Variants in DDAH2 observed in about 807,000 individuals in gnomAD.
The protein encoded by DDAH2 is putative hydrolase DDAH2.
Under a neutral mutation model 24.8 loss-of-function variants are expected in DDAH2, and 8 were observed. That is an observed-to-expected ratio of 0.32 (90% CI 0.19 to 0.58). The LOEUF (loss-of-function observed/expected upper bound fraction) is 0.58, where lower values mean the gene tolerates loss of function less well. Ranked by LOEUF, DDAH2 falls within the 20% of genes least tolerant of loss-of-function variation. DDAH2 has a pLI of 0.87. For synonymous variants in DDAH2, 151 were observed against 166.1 expected (o/e 0.91, Z 0.70); for missense variants, 281 against 379.0 (o/e 0.74, Z 2.15).
chr6:31,729,325 T>G, upstream of DDAH2: 2 of 627,900 alleles, frequency 3.2e-6, no homozygotes, highest in Non-Finnish European at 2.8e-6. The surrounding 1 kb of genome is among the most constrained non-coding windows in gnomAD (Gnocchi z 6.7). Context: ...CTGCCATCTC[T>G]AGGCGTCCCT....
rs1394257673 is a variant in DDAH2 at position 31,728,482 on chromosome 6, C to G, written c.440G>C (p.Arg147Pro). 6.2e-7 allele frequency: 1 copy of G among 1,612,786 alleles called. No individual in the cohort carries two copies. The highest frequency in any genetic ancestry group is 8.5e-7 in the Non-Finnish European group (1 of 1,179,946). The change falls in exon 3 of 6, where the codon CGA becomes CCA. Residue 147 changes from arginine (R) to proline (P), a missense_variant. Physicochemically the swap from Arg to Pro is moderately radical, Grantham distance 103. Coordinates refer to ENST00000375789, the MANE Select transcript of DDAH2 (RefSeq NM_001303007.2). The surrounding 1 kb of genome is among the most constrained non-coding windows in gnomAD (Gnocchi z 9.8). ...FVGLSKWTNH[R>P]GAEIVADTFR... is the part of the protein sequence containing the mutation. ...CGTGTCCGCCACGATCTCAGCTCCT[C>G]GGTGATTGGTCCATTTGGAGAGGCC...
rs759674784 is a variant in DDAH2, at chr6:31,728,995, A to T, written c.167T>A (p.Leu56Gln). Residue 56 changes from leucine (L) to glutamine (Q), a missense_variant, in exon 1 of 6, where the codon CTG (leucine) becomes CAG (glutamine). Physicochemically the swap from Leu to Gln is moderately radical, Grantham distance 113 (BLOSUM62 -2). Coordinates refer to ENST00000375789, the MANE Select transcript of DDAH2 (RefSeq NM_001303007.2). This position sits in a 1 kb window ranked among gnomAD's most constrained non-coding sequence, Gnocchi z 9.8. ...GVLGGKLRQRLGLQLLELPPE... is the reference protein window; with the variant it reads ...GVLGGKLRQRQGLQLLELPPE... ...TGGCAGTTCTAGCAGCTGTAGCCCC[A>T]GTCGTTGCCTCAGTTTACCTCCCAG... is the stretch of plus-strand genomic sequence containing the variant. 6.2e-7 allele frequency: 1 copy of T among 1,613,060 alleles called. No homozygotes were observed. The highest frequency in any genetic ancestry group is 8.5e-7 in the Non-Finnish European group (1 of 1,180,018).
rs1807566610 is a variant in DDAH2 at position 31,728,463 on chromosome 6, C to A, written c.459G>T (p.Ala153=). 6.2e-7 allele frequency: 1 copy of A among 1,612,822 alleles called. No homozygotes were observed. Among genetic ancestry groups the A allele is most frequent in the Non-Finnish European group, 8.5e-7 (1 of 1,179,964 alleles). ...TCCCGCTCCGCACCCGGAACGTGTC[C>A]GCCACGATCTCAGCTCCTCGGTGAT... The part of the protein sequence containing the change: ...WTNHRGAEIV[A]DTFRDFAVST... The change falls in exon 3 of 6, where the codon GCG becomes GCT. Residue 153 remains alanine (A), a synonymous_variant. Coordinates refer to ENST00000375789, the MANE Select transcript of DDAH2 (RefSeq NM_001303007.2). This position sits in a 1 kb window ranked among gnomAD's most constrained non-coding sequence, Gnocchi z 9.8.
rs922056221 is a variant in DDAH2, at chr6:31,728,610, C to T, written c.397+36G>A. Reference sequence around the variant, plus strand: ...CGGCCGAGTCTCCCAAACTCTACTTCCCTGTGCCAAGACCTATGCCTCCCC... The same window carrying T: ...CGGCCGAGTCTCCCAAACTCTACTTTCCTGTGCCAAGACCTATGCCTCCCC... On this transcript the variant is annotated intron_variant, in intron 2 of 5. Coordinates refer to ENST00000375789, the MANE Select transcript of DDAH2 (RefSeq NM_001303007.2). The surrounding 1 kb of genome is among the most constrained non-coding windows in gnomAD (Gnocchi z 9.8). The T allele has an allele frequency of 3.7e-6, 6 of 1,611,908 alleles. No homozygotes were observed. The highest frequency in any genetic ancestry group is 1.3e-5 in the African/African-American group (1 of 74,846).
At position 31,727,638 on chromosome 6, in the gene DDAH2, C is replaced by T. The variant is rs759664191; in HGVS notation, c.646G>A (p.Ala216Thr). ...PYASLTLPDD[A>T]AADCLFLRPG... ...CGAAGAAAGAGACAGTCAGCAGCTGCGTCATCTGGGAGGGTCAGGGAGGCA... is the reference window on the plus strand; with the variant it reads ...CGAAGAAAGAGACAGTCAGCAGCTGTGTCATCTGGGAGGGTCAGGGAGGCA... Residue 216 changes from alanine (A) to threonine (T), a missense_variant, in exon 5 of 6, where the codon GCA (alanine) becomes ACA (threonine). By Grantham distance (58) the Ala-to-Thr change is moderately conservative. Coordinates refer to ENST00000375789, the MANE Select transcript of DDAH2 (RefSeq NM_001303007.2). The surrounding 1 kb of genome is among the most constrained non-coding windows in gnomAD (Gnocchi z 6.0). The T allele has an allele frequency of 9.3e-6, 15 of 1,612,648 alleles. No individual in the cohort carries two copies. The highest frequency in any genetic ancestry group is 1.3e-5 in the African/African-American group (1 of 74,900).
In DDAH2 at chr6:31,727,384, G is replaced by A; in HGVS notation, c.742-31C>T. 6.2e-7 allele frequency: 1 copy of A among 1,600,840 alleles called. No individual in the cohort carries two copies. The highest frequency in any genetic ancestry group is 1.7e-5 in the Admixed American group (1 of 59,754). On this transcript the variant is annotated intron_variant, in intron 5 of 5. Transcript: ENST00000375789. The surrounding 1 kb of genome is among the most constrained non-coding windows in gnomAD (Gnocchi z 6.0). The stretch of plus-strand genomic sequence containing the variant: ...CAGGGAAGACATGGAGTGGGGAGAG[G>A]GGAGTGAGACCTCAGGCTGAGCCAG...
Position 31,727,377 on chromosome 6 carries a change from G to T in DDAH2, c.742-24C>A. 1 of 1,602,828 alleles carries T rather than the reference G, an allele frequency of 6.2e-7. No homozygotes were observed. Among genetic ancestry groups the T allele is most frequent in the South Asian group, 1.1e-5 (1 of 90,522 alleles). On this transcript the variant is annotated intron_variant, in intron 5 of 5. Coordinates refer to ENST00000375789, the MANE Select transcript of DDAH2 (RefSeq NM_001303007.2). This position sits in a 1 kb window ranked among gnomAD's most constrained non-coding sequence, Gnocchi z 6.0. Reference sequence around the variant, plus strand: ...GCCTGCACAGGGAAGACATGGAGTGGGGAGAGGGGAGTGAGACCTCAGGCT... The same window carrying T: ...GCCTGCACAGGGAAGACATGGAGTGTGGAGAGGGGAGTGAGACCTCAGGCT...
At chr6:31,729,322 C>CT, upstream of DDAH2, 1 of 634,524 alleles carries the variant, frequency 1.6e-6, no homozygotes. The surrounding 1 kb of genome is among the most constrained non-coding windows in gnomAD (Gnocchi z 6.7). Flanking sequence ...CTCCTGCCAT[C>CT]TCTAGGCGTC....
At position 31,728,882 on chromosome 6, in the gene DDAH2, G is replaced by A. The variant is rs368529782; in HGVS notation, c.280C>T (p.Pro94Ser). 1.2e-6 allele frequency: 2 copies of A among 1,612,688 alleles called. No individual in the cohort carries two copies. Among genetic ancestry groups the A allele is most frequent in the Non-Finnish European group, 1.7e-6 (2 of 1,179,904 alleles). Reference protein sequence around the residue: ...DTALITRPWSPARRPEVDGVR... With the variant: ...DTALITRPWSSARRPEVDGVR... ...GCGCTCACCTCTGGCCTACGAGCGG[G>A]GCTCCAGGGCCGCGTGATTAGGGCC... Residue 94 changes from proline (P) to serine (S), a missense_variant, in exon 1 of 6, where the codon CCC becomes TCC. Pro to Ser is a moderately conservative substitution (Grantham distance 74). Transcript: ENST00000375789. This position sits in a 1 kb window ranked among gnomAD's most constrained non-coding sequence, Gnocchi z 9.8.
rs1448656138 is a variant in DDAH2, at chr6:31,728,298, G to A, written c.472-6C>T. 2 of 1,608,142 alleles carry A rather than the reference G, an allele frequency of 1.2e-6. No individual in the cohort carries two copies. Among genetic ancestry groups the A allele is most frequent in the Non-Finnish European group, 1.7e-6 (2 of 1,176,818 alleles). ...ACAGTGGAGACGGCGAAGTCCTAGGGAGAGCGAAGGGAGGTATTCAGGGGC... is the reference window on the plus strand; with the variant it reads ...ACAGTGGAGACGGCGAAGTCCTAGGAAGAGCGAAGGGAGGTATTCAGGGGC... On this transcript the variant is annotated splice_polypyrimidine_tract_variant and splice_region_variant and intron_variant, in intron 3 of 5. Transcript: ENST00000375789. This position sits in a 1 kb window ranked among gnomAD's most constrained non-coding sequence, Gnocchi z 9.8.
At position 31,728,176 on chromosome 6, in the gene DDAH2, G is replaced by A; in HGVS notation, c.588C>T (p.Val196=). 1.2e-6 allele frequency: 2 copies of A among 1,611,700 alleles called. No homozygotes were observed. The highest frequency in any genetic ancestry group is 1.7e-6 in the Non-Finnish European group (2 of 1,179,872). Residue 196 remains valine (V), a synonymous_variant, in exon 4 of 6, where the codon GTC becomes GTT. Transcript: ENST00000375789. This position sits in a 1 kb window ranked among gnomAD's most constrained non-coding sequence, Gnocchi z 9.8. Reference sequence around the variant, plus strand: ...GTTGGCCCCGCCCCCTCCTCACCCGGACAGCCTTTTGGGCAGCGTCGCTGC... The same window carrying A: ...GTTGGCCCCGCCCCCTCCTCACCCGAACAGCCTTTTGGGCAGCGTCGCTGC... The part of the protein sequence containing the change: ...AGSSDAAQKA[V]RAMAVLTDHP...
chr6:31,729,251 A>G lies in DDAH2; in HGVS notation c.-90T>C. The G allele has an allele frequency of 1.7e-6, 2 of 1,174,178 alleles. No individual in the cohort carries two copies. Among genetic ancestry groups the G allele is most frequent in the Non-Finnish European group, 2.4e-6 (2 of 830,360 alleles). 72.7% of individuals were successfully genotyped at this position (1,174,178 alleles called of 1,614,324 possible). On this transcript the variant is annotated 5_prime_UTR_variant, in exon 1 of 6. Coordinates refer to ENST00000375789, the MANE Select transcript of DDAH2 (RefSeq NM_001303007.2). The surrounding 1 kb of genome is among the most constrained non-coding windows in gnomAD (Gnocchi z 6.7). The stretch of plus-strand genomic sequence containing the variant: ...CTGGGAGAAGAAACAGAAAAGGAGG[A>G]GACAGAGAAAAAGACATGCAGACAA...
Position 31,728,646 on chromosome 6 carries a change from C to G in DDAH2, c.397G>C (p.Gly133Arg). The G allele has an allele frequency of 1.9e-6, 3 of 1,612,920 alleles. No homozygotes were observed. Among genetic ancestry groups the G allele is most frequent in the Non-Finnish European group, 2.5e-6 (3 of 1,179,948 alleles). Residue 133 changes from glycine (G) to arginine (R), a missense_variant and splice_region_variant, in exon 2 of 6, where the codon GGC becomes CGC. Coordinates refer to ENST00000375789, the MANE Select transcript of DDAH2 (RefSeq NM_001303007.2). The surrounding 1 kb of genome is among the most constrained non-coding windows in gnomAD (Gnocchi z 9.8). ...TLDGTDVLFT[G>R]REFFVGLSKW... ...GACCTATGCCTCCCCCCAGCCTCACCGGTGAAGAGAACGTCAGTGCCATCC... is the reference window on the plus strand; with the variant it reads ...GACCTATGCCTCCCCCCAGCCTCACGGGTGAAGAGAACGTCAGTGCCATCC...
chr6:31,728,356 G>A lies in DDAH2; in HGVS notation c.472-64C>T. On this transcript the variant is annotated intron_variant, in intron 3 of 5. Transcript: ENST00000375789. The surrounding 1 kb of genome is among the most constrained non-coding windows in gnomAD (Gnocchi z 9.8). Reference sequence around the variant, plus strand: ...GGGTGATGGGGTATCTTCAAACATAGGCTGCTCTCTGCCTCTCATTTCCTC... The same window carrying A: ...GGGTGATGGGGTATCTTCAAACATAAGCTGCTCTCTGCCTCTCATTTCCTC... 6.2e-7 allele frequency: 1 copy of A among 1,609,314 alleles called. No individual in the cohort carries two copies. The highest frequency in any genetic ancestry group is 8.5e-7 in the Non-Finnish European group (1 of 1,177,602).
chr6:31,727,300 C>T lies in DDAH2; in HGVS notation c.795G>A (p.Leu265=). The change falls in exon 6 of 6, where the codon CTG becomes CTA. Residue 265 remains leucine (L), a synonymous_variant. Coordinates refer to ENST00000375789, the MANE Select transcript of DDAH2 (RefSeq NM_001303007.2). This position sits in a 1 kb window ranked among gnomAD's most constrained non-coding sequence, Gnocchi z 6.0. ...AGCTGAGCCCGGCGCCAGCCTTCTC[C>T]AGTTCTGAGCAGGACACAGGTACCA... ...VTLVPVSCSE[L]EKAGAGLSSL... is the part of the protein sequence containing the mutation. 1 of 1,613,096 alleles carries T rather than the reference C, an allele frequency of 6.2e-7. No individual in the cohort carries two copies. Among genetic ancestry groups the T allele is most frequent in the South Asian group, 1.1e-5 (1 of 91,080 alleles).
chr6:31,728,334 T>C lies in DDAH2; in HGVS notation c.472-42A>G. The stretch of plus-strand genomic sequence containing the variant: ...GAGGTATTCAGGGGCGCGGGAGGGG[T>C]GATGGGGTATCTTCAAACATAGGCT... On this transcript the variant is annotated intron_variant, in intron 3 of 5. Transcript: ENST00000375789. This position sits in a 1 kb window ranked among gnomAD's most constrained non-coding sequence, Gnocchi z 9.8. 5.6e-6 allele frequency: 9 copies of C among 1,601,508 alleles called. No individual in the cohort carries two copies. The highest frequency in any genetic ancestry group is 1.1e-5 in the South Asian group (1 of 89,728).
Position 31,727,574 on chromosome 6 carries a change from C to T in DDAH2, c.710G>A (p.Arg237His), listed in dbSNP as rs756788367. 9.3e-6 allele frequency: 15 copies of T among 1,612,966 alleles called. No homozygotes were observed. Among genetic ancestry groups the T allele is most frequent in the East Asian group, 2.2e-5 (1 of 44,892 alleles). The part of the protein sequence containing the change: ...LPGVPPFLLH[R>H]GGGDLPNSQE... ...GCTGTTGGGCAGATCCCCACCTCCACGGTGCAGGAGGAAAGGGGGCACACC... is the reference window on the plus strand; with the variant it reads ...GCTGTTGGGCAGATCCCCACCTCCATGGTGCAGGAGGAAAGGGGGCACACC... The change falls in exon 5 of 6, where the codon CGT becomes CAT. Residue 237 changes from arginine (R) to histidine (H), a missense_variant. Arg to His is a conservative substitution (Grantham distance 29). Transcript: ENST00000375789. The surrounding 1 kb of genome is among the most constrained non-coding windows in gnomAD (Gnocchi z 6.0).
In DDAH2 at chr6:31,728,928, C is replaced by T. The variant is rs1412415206; in HGVS notation, c.234G>A (p.Thr78=). Residue 78 remains threonine, a synonymous_variant, in exon 1 of 6, where the codon ACG becomes ACA. Transcript: ENST00000375789. The surrounding 1 kb of genome is among the most constrained non-coding windows in gnomAD (Gnocchi z 9.8). ...SLPLGPLLGD[T]AVIQGDTALI... Reference sequence around the variant, plus strand: ...GGGCCGTGTCCCCTTGGATCACGGCCGTGTCGCCAAGCAGCGGTCCCAGCG... The same window carrying T: ...GGGCCGTGTCCCCTTGGATCACGGCTGTGTCGCCAAGCAGCGGTCCCAGCG... 1.2e-6 allele frequency: 2 copies of T among 1,613,106 alleles called. No individual in the cohort carries two copies. The highest frequency in any genetic ancestry group is 1.7e-6 in the Non-Finnish European group (2 of 1,180,014).
chr6:31,729,217 T>C lies in DDAH2; in HGVS notation c.-56A>G. The C allele has an allele frequency of 7.4e-7, 1 of 1,351,090 alleles. No individual in the cohort carries two copies. The highest frequency in any genetic ancestry group is 1.0e-6 in the Non-Finnish European group (1 of 978,362). The allele number at this position is 1,351,090 out of a possible 1,614,324, so 83.7% of individuals were successfully genotyped here. ...TCGGATTTCTTAGTTTTCTTGTTTCTTCACCTGTCTGGGAGAAGAAACAGA... is the reference window on the plus strand; with the variant it reads ...TCGGATTTCTTAGTTTTCTTGTTTCCTCACCTGTCTGGGAGAAGAAACAGA... On this transcript the variant is annotated 5_prime_UTR_variant, in exon 1 of 6. Coordinates refer to ENST00000375789, the MANE Select transcript of DDAH2 (RefSeq NM_001303007.2). This position sits in a 1 kb window ranked among gnomAD's most constrained non-coding sequence, Gnocchi z 6.7.
Sources: gnomAD v4.1 joint callset for allele counts on GRCh38, gnomAD v4.1.1 for gene constraint, Gnocchi (gnomAD v3.1) non-coding constraint, MANE v1.5 for transcripts, NCBI Gene and HGNC (gene_info 2026-07-23, HGNC 2026-07-21) for gene names.